The following PTPRK variants were observed in gnomAD, a reference collection of about 807,000 sequenced individuals.
PTPRK encodes the protein protein tyrosine phosphatase receptor type K, also known as receptor-type tyrosine-protein phosphatase kappa.
A neutral mutation model predicts 178.0 loss-of-function variants in PTPRK; 75 were observed. The observed-to-expected ratio is 0.42, with a 90% CI of 0.35 to 0.51. PTPRK has a LOEUF of 0.51. Among genes scored for constraint, PTPRK ranks in the 20% least tolerant of loss-of-function variants. The probability of loss-of-function intolerance (pLI) is 0.02; values close to 1 mark genes in which losing one functional copy is unlikely to be tolerated. For missense variants in PTPRK, 1,441 were observed against 1,797.8 expected, an observed-to-expected ratio of 0.80 and a Z score of 3.59; for synonymous variants, 637 against 620.6, an observed-to-expected ratio of 1.03 and a Z score of -0.39.
At chr6:128,069,283 G>T (rs2114949895) in intron 11 of PTPRK, among the ~76,000 whole-genome samples, 1 of 152,152 alleles carries the variant, frequency 6.6e-6, no homozygotes, top group South Asian at 2.1e-4. Context: ...GTTAGAAATT[G>T]TGATTTGAGC....
intron 7 of PTPRK, among the ~76,000 whole-genome samples, chr6:128,099,915 C>A (rs991732717): frequency 1.3e-5 from 2 of 151,986 alleles, no homozygotes; most frequent in Non-Finnish European, 2.9e-5. Flanking sequence ...TACAGCTTAG[C>A]TGCAGAAATC....
intron 2 of PTPRK, among the ~76,000 whole-genome samples, chr6:128,371,738 C>T (rs1348711329): frequency 6.6e-6 from 1 of 151,998 alleles, no homozygotes; most frequent in Non-Finnish European, 1.5e-5. Context: ...AGCCAGGCAC[C>T]ATGATGCACA....
intron 1 of PTPRK, among the ~76,000 whole-genome samples, chr6:128,494,128 G>A (rs1212271715): frequency 1.3e-5 from 2 of 149,546 alleles, no homozygotes; most frequent in African/African-American, 5.0e-5. Flanking sequence ...GTTTGAGGCT[G>A]CAATGAGCCA....
intron 1 of PTPRK, among the ~76,000 whole-genome samples, chr6:128,414,468 C>A (rs984425155): frequency 1.3e-5 from 2 of 152,112 alleles, no homozygotes; most frequent in African/African-American, 2.4e-5. Flanking sequence ...GTAGTATGCA[C>A]AACTGAAATA....
At chr6:128,105,854 G>A (rs567157481) in intron 7 of PTPRK, among the ~76,000 whole-genome samples, 12 of 152,170 alleles carry the variant, frequency 7.9e-5, no homozygotes, top group African/African-American at 2.7e-4. Flanking sequence ...TGCCACTTAT[G>A]TTCTATGATT....
intron 3 of PTPRK, 59 bp from the exon 4 acceptor site, chr6:128,242,661 G>A: frequency 6.3e-7 from 1 of 1,586,350 alleles, no homozygotes; most frequent in East Asian, 2.3e-5. Flanking sequence ...TTCTACAGTG[G>A]AGGGGAATAG....
At chr6:128,157,531 T>A (rs185899356) in intron 7 of PTPRK, among the ~76,000 whole-genome samples, 1 of 152,104 alleles carries the variant, frequency 6.6e-6, no homozygotes, top group Admixed American at 6.6e-5. Context: ...TTAAAAACAT[T>A]CCACAGTCAT....
intron 6 of PTPRK, among the ~76,000 whole-genome samples, chr6:128,200,437 G>A (rs954493234): frequency 1.3e-5 from 2 of 152,050 alleles, no homozygotes; most frequent in South Asian, 2.1e-4. Context: ...ACATTTAAAG[G>A]TTTCTAGGCC....
intron 14 of PTPRK, 29 bp downstream of exon 14, chr6:128,009,101 G>T: frequency 6.3e-7 from 1 of 1,578,756 alleles, no homozygotes; most frequent in South Asian, 1.2e-5. Context: ...AATGGTAAGT[G>T]AGTGGGACAG....
In PTPRK at chr6:128,082,715, T is replaced by G. The variant is rs371789012; in HGVS notation, c.1576-77A>C. ...GTAAATAAACTCTGTATAAATAAGG[T>G]AGTATGCAAGGGCATCCATGTGGAG... On this transcript the variant is annotated intron_variant, in intron 9 of 29. Coordinates refer to ENST00000368226, the MANE Select transcript of PTPRK (RefSeq NM_002844.4). The G allele has an allele frequency of 2.6e-6, 3 of 1,157,594 alleles. No individual in the cohort carries two copies. In the African/African-American group the frequency reaches 4.6e-5, roughly 18 times the overall value. 71.7% of individuals were successfully genotyped at this position (1,157,594 alleles called of 1,614,324 possible).
chr6:128,283,751 C>A (rs1414483626), intron 3 of PTPRK, among the ~76,000 whole-genome samples: 1 of 152,044 alleles, frequency 6.6e-6, no homozygotes, highest in Non-Finnish European at 1.5e-5. Context: ...TTGAAAGGAG[C>A]CACAAAGCAG....
chr6:128,364,560 C>A (rs553319419), intron 2 of PTPRK, among the ~76,000 whole-genome samples: 13 of 152,076 alleles, frequency 8.5e-5, no homozygotes, highest in African/African-American at 2.9e-4. Flanking sequence ...AAAGCAGAGG[C>A]CTTAATAAGG....
intron 6 of PTPRK, among the ~76,000 whole-genome samples, chr6:128,203,311 C>T (rs960519443): frequency 7.9e-5 from 12 of 152,090 alleles, no homozygotes; most frequent in South Asian, 6.2e-4. Flanking sequence ...CAGGCAAAAT[C>T]GGCAATATCA....
chr6:128,152,094 T>C (rs1249211071), intron 7 of PTPRK, among the ~76,000 whole-genome samples: 2 of 151,874 alleles, frequency 1.3e-5, no homozygotes, highest in African/African-American at 4.8e-5. Context: ...TGCCACAAGG[T>C]CAGGAAGAAG....
chr6:128,334,980 C>T (rs186661643), intron 2 of PTPRK, among the ~76,000 whole-genome samples: 122 of 152,090 alleles, frequency 8.0e-4, no homozygotes, highest in African/African-American at 2.5e-3. Flanking sequence ...CCCAGCTACT[C>T]GGGAGGCTGA....
chr6:128,134,179 CATACTT>C (rs1794679538), intron 7 of PTPRK, among the ~76,000 whole-genome samples: 1 of 152,060 alleles, frequency 6.6e-6, no homozygotes, highest in Non-Finnish European at 1.5e-5. Flanking sequence ...ACAAAACAAA[CATACTT>C]ATGTATTTAT....
chr6:128,326,844 A>G (rs1303068247), intron 2 of PTPRK, among the ~76,000 whole-genome samples: 1 of 152,176 alleles, frequency 6.6e-6, no homozygotes, highest in Non-Finnish European at 1.5e-5. Flanking sequence ...ATTTTTATTA[A>G]AACAGAGACT....
intron 3 of PTPRK, among the ~76,000 whole-genome samples, chr6:128,254,021 C>G (rs1005560862): frequency 6.6e-6 from 1 of 152,204 alleles, no homozygotes; most frequent in African/African-American, 2.4e-5. Flanking sequence ...TTTGTTTAAA[C>G]CTCTTGTAAA....
intron 1 of PTPRK, among the ~76,000 whole-genome samples, chr6:128,436,573 A>G (rs997178820): frequency 2.0e-5 from 3 of 152,110 alleles, no homozygotes; most frequent in African/African-American, 7.3e-5. Flanking sequence ...GCTAAATAAT[A>G]AGTGCTAACA....
Sources: allele counts gnomAD v4.1 joint callset (sites outside exome capture counted in the v4.1 genomes callset), GRCh38; gene constraint gnomAD v4.1.1; transcripts MANE v1.5; gene names NCBI Gene and HGNC (gene_info 2026-07-23, HGNC 2026-07-21).